TAFA5: variants seen among roughly 807,000 people sequenced by gnomAD.
TAFA5 encodes chemokine-like protein TAFA-5.
Under a neutral mutation model 15.3 loss-of-function variants are expected in TAFA5, and 6 were observed. The observed-to-expected ratio is 0.39, with a 90% CI of 0.21 to 0.77. The LOEUF is 0.77. Ranked by LOEUF, TAFA5 falls within the 30% of genes least tolerant of loss-of-function variation. TAFA5 has a pLI of 0.41. For missense variants in TAFA5, 161 were observed against 193.1 expected (o/e 0.83, Z 0.98); for synonymous variants, 103 against 80.7 (o/e 1.28, Z -1.48).
intron 1 of TAFA5, among the ~76,000 whole-genome samples, chr22:48,590,179 C>T (rs933395178): frequency 8.5e-5 from 13 of 152,086 alleles, no homozygotes; most frequent in Admixed American, 6.5e-5. Flanking sequence ...TGGAATGCCA[C>T]GGAGGCGAGG....
intron 2 of TAFA5, among the ~76,000 whole-genome samples, chr22:48,660,884 G>A (rs557952879): frequency 3.6e-4 from 55 of 152,248 alleles, no homozygotes; most frequent in African/African-American, 8.2e-4. Context: ...ACCCCGATCC[G>A]TGCCTACAGC....
At chr22:48,583,392 C>A (rs1000600538) in intron 1 of TAFA5, among the ~76,000 whole-genome samples, 1 of 149,606 alleles carries the variant, frequency 6.7e-6, no homozygotes, top group Non-Finnish European at 1.5e-5. Flanking sequence ...ACAAAATACA[C>A]CACACACCAC....
chr22:48,690,163 C>T (rs1269822181), intron 2 of TAFA5, among the ~76,000 whole-genome samples: 2 of 152,086 alleles, frequency 1.3e-5, no homozygotes, highest in Non-Finnish European at 2.9e-5. Context: ...TGCATTTGTC[C>T]TCAGCCTGCC....
At chr22:48,696,466 A>G (rs946626144) in intron 2 of TAFA5, among the ~76,000 whole-genome samples, 5 of 151,984 alleles carry the variant, frequency 3.3e-5, no homozygotes, top group Admixed American at 1.3e-4. Context: ...TGCCCTGCCC[A>G]GGGACAGGAG....
At chr22:48,618,040 C>T (rs190798763) in intron 1 of TAFA5, among the ~76,000 whole-genome samples, 2 of 152,302 alleles carry the variant, frequency 1.3e-5, no homozygotes, top group East Asian at 3.9e-4. Flanking sequence ...GATTTGAACC[C>T]AGTAAGTGTG....
At chr22:48,492,330 A>G (rs757167183) in intron 1 of TAFA5, among the ~76,000 whole-genome samples, 2 of 152,240 alleles carry the variant, frequency 1.3e-5, no homozygotes, top group African/African-American at 4.8e-5. Context: ...TATCATATTA[A>G]TTAGGGAAAC....
intron 1 of TAFA5, among the ~76,000 whole-genome samples, chr22:48,616,577 G>A (rs549435379): frequency 2.2e-4 from 30 of 138,578 alleles, no homozygotes; most frequent in African/African-American, 6.5e-4. Flanking sequence ...GTCACAGCAC[G>A]AGGCAGGAAG....
chr22:48,569,685 C>T (rs557070165), intron 1 of TAFA5, among the ~76,000 whole-genome samples: 33 of 152,302 alleles, frequency 2.2e-4, no homozygotes, highest in Admixed American at 4.6e-4. Context: ...GGGCCGGGCT[C>T]GTCAAGTGGT....
rs76593473 is a variant in TAFA5 at position 48,667,048 on chromosome 22, G to C, written c.262+20302G>C. On this transcript the variant is annotated intron_variant, in intron 2 of 3. Coordinates refer to ENST00000402357, the MANE Select transcript of TAFA5 (RefSeq NM_001082967.3). ...CCAAACAGGGACAGCCTGGGATTGA[G>C]GGGGAGGAGGGCAAGTCGGGTGAGA... Among the ~76,000 whole-genome samples the C allele has an allele frequency of 5.1e-3, 779 of 151,836 alleles. 5 individuals are homozygous for C. Among genetic ancestry groups the C allele is most frequent in the African/African-American group, 0.018 (739 of 41,444 alleles).
Position 48,576,088 on chromosome 22 carries a change from C to T in TAFA5, c.113-70509C>T, listed in dbSNP as rs1787272610. Among the ~76,000 whole-genome samples, 6 of 139,536 alleles carry T rather than the reference C, an allele frequency of 4.3e-5. No homozygotes were observed. In the East Asian group the frequency reaches 8.7e-4, roughly 20 times the overall value. The allele number at this position is 139,536 out of a possible 152,430, so 91.5% of individuals were successfully genotyped here. ...GGCCGTTGCGCAATCCGCGGCCCGC[C>T]GTCCGGGCCCTGCTGGCGGTGCGGC... On this transcript the variant is annotated intron_variant, in intron 1 of 3. Coordinates refer to ENST00000402357, the MANE Select transcript of TAFA5 (RefSeq NM_001082967.3).
intron 2 of TAFA5, among the ~76,000 whole-genome samples, chr22:48,690,452 T>A (rs1005183054): frequency 6.6e-6 from 1 of 152,080 alleles, no homozygotes; most frequent in Non-Finnish European, 1.5e-5. Context: ...TCCACCCTAC[T>A]GGCCTCTCCA....
chr22:48,548,843 C>G (rs1224240709), intron 1 of TAFA5, among the ~76,000 whole-genome samples: 1 of 152,220 alleles, frequency 6.6e-6, no homozygotes, highest in East Asian at 1.9e-4. Context: ...CCCTATACTA[C>G]CTGGCATACA....
At chr22:48,732,402 G>A (rs11913128) in intron 3 of TAFA5, among the ~76,000 whole-genome samples, 10,008 of 152,070 alleles carry the variant, frequency 0.066, 935 homozygotes, top group African/African-American at 0.21. Context: ...GTCTACAGGC[G>A]CCCGCCACCA....
intron 1 of TAFA5, among the ~76,000 whole-genome samples, chr22:48,575,944 C>A (rs1473885600): frequency 7.3e-6 from 1 of 137,836 alleles, no homozygotes; most frequent in Non-Finnish European, 1.6e-5. Flanking sequence ...GCGGAGGAGG[C>A]GGCGGCGGCG....
At chr22:48,631,208 G>T (rs2147189383) in intron 1 of TAFA5, among the ~76,000 whole-genome samples, 1 of 152,266 alleles carries the variant, frequency 6.6e-6, no homozygotes, top group South Asian at 2.1e-4. Context: ...TGTGCTCCGG[G>T]GTCTTGGCCC....
At chr22:48,684,670 C>T (rs1178150068) in intron 2 of TAFA5, among the ~76,000 whole-genome samples, 1 of 152,196 alleles carries the variant, frequency 6.6e-6, no homozygotes, top group Non-Finnish European at 1.5e-5. Context: ...TTGAGGTTGT[C>T]AGCTGGGACA....
chr22:48,576,313 C>T (rs1569031402), intron 1 of TAFA5: 1 of 1,177,574 alleles, frequency 8.5e-7, no homozygotes, highest in Non-Finnish European at 1.0e-6. Flanking sequence ...CAGAAAGACA[C>T]AAATCGCCTC....
chr22:48,575,880 T>G (rs1246339238), intron 1 of TAFA5, among the ~76,000 whole-genome samples: 1 of 132,206 alleles, frequency 7.6e-6, no homozygotes, highest in Non-Finnish European at 1.6e-5. Flanking sequence ...GCGGCGGCGG[T>G]GGCGGCGGCG....
chr22:48,572,567 T>C (rs1465397733), intron 1 of TAFA5, among the ~76,000 whole-genome samples: 1 of 152,222 alleles, frequency 6.6e-6, no homozygotes, highest in Non-Finnish European at 1.5e-5. Context: ...GGTTTTTTCT[T>C]AGACCTTGAG....
Sources: allele counts gnomAD v4.1 joint callset (sites outside exome capture counted in the v4.1 genomes callset), GRCh38; gene constraint gnomAD v4.1.1; transcripts MANE v1.5; gene names NCBI Gene and HGNC (gene_info 2026-07-23, HGNC 2026-07-21).